SLC71A1: variants seen among roughly 807,000 people sequenced by gnomAD.
SLC71A1 encodes hippocampus abundant gene transcript 1.
the SLC71A1 span, among the ~76,000 whole-genome samples, chr1:100,057,539 G>C: frequency 6.6e-6 from 1 of 151,928 alleles, no homozygotes; most frequent in East Asian, 1.9e-4. Flanking sequence ...ATTTTTAGTA[G>C]AGATGAGGTT....
the SLC71A1 span, among the ~76,000 whole-genome samples, chr1:100,042,458 T>G: frequency 5.3e-4 from 81 of 152,122 alleles, no homozygotes; most frequent in African/African-American, 1.8e-3. Context: ...CTCTGACCCT[T>G]TGCACTCTTC....
At chr1:100,061,296 T>G in the SLC71A1 span, among the ~76,000 whole-genome samples, 1 of 152,340 alleles carries the variant, frequency 6.6e-6, no homozygotes, top group South Asian at 2.1e-4. Flanking sequence ...ATTCTCAGTT[T>G]TATGAACACT....
At chr1:100,075,101 C>G in the SLC71A1 span, among the ~76,000 whole-genome samples, 1 of 152,210 alleles carries the variant, frequency 6.6e-6, no homozygotes. Context: ...TTTATAAGTA[C>G]TTTCTGGTAA....
At chr1:100,038,295 C>G in the SLC71A1 span, 16 of 1,558,080 alleles carry the variant, frequency 1.0e-5, no homozygotes, top group Non-Finnish European at 1.3e-5. Context: ...CCAAGAAGAT[C>G]ATCATTAAGG....
At chr1:100,075,943 G>C in the SLC71A1 span, among the ~76,000 whole-genome samples, 1 of 152,174 alleles carries the variant, frequency 6.6e-6, no homozygotes, top group Non-Finnish European at 1.5e-5. Context: ...TCCCCAAAGT[G>C]CTGGGATTAC....
At chr1:100,047,012 G>A in the SLC71A1 span, among the ~76,000 whole-genome samples, 28,629 of 152,122 alleles carry the variant, frequency 0.19, 3,291 homozygotes, top group African/African-American at 0.32. Flanking sequence ...AAGAGGGACA[G>A]TTTTGACTTC....
chr1:100,058,533 G>C, the SLC71A1 span: 1 of 641,058 alleles, frequency 1.6e-6, no homozygotes, highest in Non-Finnish European at 2.9e-6. Flanking sequence ...ATGGTCATAT[G>C]CATGTCATAC....
chr1:100,075,952 A>G, the SLC71A1 span, among the ~76,000 whole-genome samples: 2 of 152,180 alleles, frequency 1.3e-5, no homozygotes, highest in African/African-American at 4.8e-5. Flanking sequence ...TGCTGGGATT[A>G]CAGATATGAG....
the SLC71A1 span, among the ~76,000 whole-genome samples, chr1:100,039,699 A>T: frequency 6.6e-6 from 1 of 152,240 alleles, no homozygotes; most frequent in Non-Finnish European, 1.5e-5. Context: ...GAAAGAGACA[A>T]TATTTTACAT....
chr1:100,046,356 A>G, the SLC71A1 span, among the ~76,000 whole-genome samples: 1 of 150,642 alleles, frequency 6.6e-6, no homozygotes, highest in East Asian at 2.0e-4. Flanking sequence ...TTTCCCGAGG[A>G]ACTGGGATTA....
At chr1:100,065,596 T>C in the SLC71A1 span, among the ~76,000 whole-genome samples, 1 of 143,836 alleles carries the variant, frequency 7.0e-6, no homozygotes, top group African/African-American at 2.6e-5. Flanking sequence ...TTCCCTTCCC[T>C]TCCCCTTTTC....
the SLC71A1 span, among the ~76,000 whole-genome samples, chr1:100,069,307 A>G: frequency 6.6e-6 from 1 of 152,244 alleles, no homozygotes; most frequent in Non-Finnish European, 1.5e-5. Flanking sequence ...CTAGACGGAG[A>G]TCAAGCCTTT....
the SLC71A1 span, chr1:100,069,462 TTG>T: frequency 3.5e-6 from 2 of 577,028 alleles, no homozygotes; most frequent in Non-Finnish European, 6.1e-6. Context: ...TTAAGATATG[TTG>T]TATTTCCTCT....
the SLC71A1 span, among the ~76,000 whole-genome samples, chr1:100,048,765 TGGTG>T: frequency 6.6e-6 from 1 of 152,228 alleles, no homozygotes; most frequent in Non-Finnish European, 1.5e-5. Context: ...TCATCTACTC[TGGTG>T]GTTTCAGATA....
chr1:100,039,750 A>G, the SLC71A1 span, among the ~76,000 whole-genome samples: 1 of 152,242 alleles, frequency 6.6e-6, no homozygotes. Context: ...GAAAGATTGT[A>G]TTTTGTAAGA....
the SLC71A1 span, chr1:100,080,320 C>T: frequency 1.4e-4 from 76 of 562,950 alleles, no homozygotes; most frequent in Non-Finnish European, 2.2e-4. Context: ...GCTTACTACA[C>T]TTTGTAGAGC....
At chr1:100,077,166 C>A in the SLC71A1 span, 29 of 1,191,204 alleles carry the variant, frequency 2.4e-5, no homozygotes, top group Middle Eastern at 2.1e-4. Context: ...TTTTTTCAGA[C>A]CATAGTCTTG....
At chr1:100,068,156 G>A in the SLC71A1 span, 1 of 1,614,046 alleles carries the variant, frequency 6.2e-7, no homozygotes, top group Non-Finnish European at 8.5e-7. Flanking sequence ...CAGCATCCTG[G>A]GGAGCACCCA....
At chr1:100,078,191 A>G in the SLC71A1 span, among the ~76,000 whole-genome samples, 1 of 152,220 alleles carries the variant, frequency 6.6e-6, no homozygotes, top group Non-Finnish European at 1.5e-5. Flanking sequence ...CTGTAGAAAT[A>G]ATACCCAGCA....
Sources: gnomAD v4.1 joint callset for allele counts (sites outside exome capture counted in the v4.1 genomes callset) on GRCh38, gnomAD v4.1.1 for gene constraint, MANE v1.5 for transcripts, NCBI Gene and HGNC (gene_info 2026-07-23, HGNC 2026-07-21) for gene names.